The following DNHD1 variants were observed in gnomAD, a reference collection of about 807,000 sequenced individuals.
The protein encoded by DNHD1 is dynein heavy chain domain-containing protein 1.
Under a neutral mutation model 458.1 loss-of-function variants are expected in DNHD1, and 383 were observed. The observed-to-expected ratio is 0.84, with a 90% CI of 0.77 to 0.91. The LOEUF is 0.91. Among genes scored for constraint, DNHD1 ranks in the 40% least tolerant of loss-of-function variants. The probability of loss-of-function intolerance (pLI) is 0.00; values close to 1 mark genes in which losing one functional copy is unlikely to be tolerated. For synonymous variants in DNHD1, 2,203 were observed against 2,376.9 expected, an observed-to-expected ratio of 0.93 and a Z score of 2.13; for missense variants, 5,336 against 5,866.1, an observed-to-expected ratio of 0.91 and a Z score of 2.95.
rs757569209 is a variant in DNHD1 at position 6,570,911 on chromosome 11, G to A, written c.13399G>A (p.Asp4467Asn). 1.4e-5 allele frequency: 22 copies of A among 1,613,262 alleles called. No homozygotes were observed. Among genetic ancestry groups the A allele is most frequent in the Admixed American group, 5.0e-5 (3 of 59,990 alleles). ...CCACGTGATTCGCCAAGACGAGTCC[G>A]ACGCCCCGTGGTCAGTGCTGGGGCC... ...LTHVIRQDES[D>N]APWSVLGPNA... The change falls in exon 42 of 43, where the codon GAC becomes AAC. Residue 4467 changes from aspartate to asparagine, a missense_variant. This residue lies in a region of DNHD1 where 698 missense variants were observed against 664.9 expected (regional missense o/e 1.05). Transcript: ENST00000254579.
Position 6,559,162 on chromosome 11 carries a change from C to T in DNHD1, c.9417-19C>T, listed in dbSNP as rs867123679. The stretch of plus-strand genomic sequence containing the variant: ...CTTCTGCTCCTTTGGGTTTCCTCAC[C>T]AGCACATTGTATCTCCAGGGTCCAG... On this transcript the variant is annotated intron_variant, in intron 27 of 42. Transcript: ENST00000254579. The T allele has an allele frequency of 6.4e-7, 1 of 1,551,658 alleles. No individual in the cohort carries two copies. Among genetic ancestry groups the T allele is most frequent in the Non-Finnish European group, 8.7e-7 (1 of 1,146,958 alleles).
At chr11:6,524,941 G>A (rs1257934761) in intron 10 of DNHD1, among the ~76,000 whole-genome samples, 5 of 152,126 alleles carry the variant, frequency 3.3e-5, no homozygotes, top group Admixed American at 1.3e-4. Context: ...GCTCAAAAGT[G>A]GTCATCAAGT....
intron 10 of DNHD1, among the ~76,000 whole-genome samples, chr11:6,526,247 A>G (rs1852708946): frequency 6.6e-6 from 1 of 151,896 alleles, no homozygotes; most frequent in Non-Finnish European, 1.5e-5. Flanking sequence ...TTCCATTATG[A>G]AATTGTTTTT....
At position 6,570,395 on chromosome 11, in the gene DNHD1, A is replaced by C; in HGVS notation, c.13104A>C (p.Pro4368=). 1 of 1,606,726 alleles carries C rather than the reference A, an allele frequency of 6.2e-7. No homozygotes were observed. Among genetic ancestry groups the C allele is most frequent in the Non-Finnish European group, 8.5e-7 (1 of 1,176,636 alleles). Residue 4368 remains proline (P), a splice_region_variant and synonymous_variant, in exon 41 of 43, where the codon CCA becomes CCC. Coordinates refer to ENST00000254579, the MANE Select transcript of DNHD1 (RefSeq NM_144666.3). ...QSLLATLMPL[P]ELRELDAMAE... ...TGCTGGCCACGCTCATGCCCCTCCC[A>C]GGTAAGCCTCACTCAGGTATCTGTT...
chr11:6,563,426 T>C lies in DNHD1; in HGVS notation c.9714T>C (p.Ala3238=). Reference sequence around the variant, plus strand: ...AGCCTCTGAGCCAGCTGCAGGTGGCTGACTTTGAGGAGATACGGAGCTATC... The same window carrying C: ...AGCCTCTGAGCCAGCTGCAGGTGGCCGACTTTGAGGAGATACGGAGCTATC... The part of the protein sequence containing the change: ...FLEPLSQLQV[A]DFEEIRSYRA... The change falls in exon 30 of 43, where the codon GCT becomes GCC. Residue 3238 remains alanine (A), a synonymous_variant. Transcript: ENST00000254579. 4 of 1,551,690 alleles carry C rather than the reference T, an allele frequency of 2.6e-6. No individual in the cohort carries two copies. The highest frequency in any genetic ancestry group is 3.5e-6 in the Non-Finnish European group (4 of 1,146,978).
At position 6,518,845 on chromosome 11, in the gene DNHD1, C is replaced by T. The variant is rs139803217; in HGVS notation, c.1393-755C>T. ...TGTCTTATGCTTGGGTCTGAGAAGA[C>T]TGGGGCTTGAGCTCATGGATACCAG... On this transcript the variant is annotated intron_variant, in intron 7 of 42. Transcript: ENST00000254579. 8.9e-3 allele frequency among the ~76,000 whole-genome samples: 1,349 copies of T among 152,246 alleles called. 19 individuals are homozygous for T. Among genetic ancestry groups the T allele is most frequent in the African/African-American group, 0.031 (1,269 of 41,540 alleles).
intron 18 of DNHD1, among the ~76,000 whole-genome samples, chr11:6,543,818 G>A (rs1033976656): frequency 5.9e-5 from 9 of 151,928 alleles, no homozygotes; most frequent in South Asian, 2.1e-4. Context: ...AAAATTAGCC[G>A]GACATGGTGG....
At chr11:6,551,813 T>G (rs191965931) in intron 24 of DNHD1, among the ~76,000 whole-genome samples, 1 of 151,984 alleles carries the variant, frequency 6.6e-6, no homozygotes, top group Non-Finnish European at 1.5e-5. Context: ...TGGTGGCATG[T>G]ACCTGTAATC....
rs1378767548 is a variant in DNHD1 at position 6,544,578 on chromosome 11, C to G, written c.3759C>G (p.Ala1253=). 17 of 1,550,996 alleles carry G rather than the reference C, an allele frequency of 1.1e-5. No homozygotes were observed. Among genetic ancestry groups the G allele is most frequent in the Non-Finnish European group, 1.5e-5 (17 of 1,146,678 alleles). Residue 1253 remains alanine, a synonymous_variant, in exon 20 of 43, where the codon GCC becomes GCG. Coordinates refer to ENST00000254579, the MANE Select transcript of DNHD1 (RefSeq NM_144666.3). ...TTCCTCTGGCTGCTTACACAGGTGC[C>G]CTGCTGGAGGTGTGGCTGACTTTCC... ...EWVAIMHGLG[A]LLEVWLTFQQ...
At chr11:6,534,464 T>C (rs6578759) in intron 14 of DNHD1, among the ~76,000 whole-genome samples, 147,152 of 152,020 alleles carry the variant, frequency 0.97, 71,400 homozygotes, top group Non-Finnish European at 1. Flanking sequence ...AAAGCATGTG[T>C]GGGAGAAATG....
chr11:6,544,215 T>C lies in DNHD1; in HGVS notation c.3723T>C (p.Ala1241=). The change falls in exon 19 of 43, where the codon GCT becomes GCC. Residue 1241 remains alanine (A), a synonymous_variant. Coordinates refer to ENST00000254579, the MANE Select transcript of DNHD1 (RefSeq NM_144666.3). ...AGTCAGGAGATTTAAACAAAATAGC[T>C]TTGGAGTGGGTGGCCATCATGCATG... ...IEKSGDLNKI[A]LEWVAIMHGL... is the part of the protein sequence containing the mutation. 3 of 1,551,440 alleles carry C rather than the reference T, an allele frequency of 1.9e-6. No homozygotes were observed. The highest frequency in any genetic ancestry group is 1.7e-6 in the Non-Finnish European group (2 of 1,146,926).
chr11:6,554,315 C>G (rs1490547985), intron 24 of DNHD1, among the ~76,000 whole-genome samples: 2 of 151,908 alleles, frequency 1.3e-5, no homozygotes, highest in African/African-American at 4.8e-5. Context: ...ACCTCAAAAT[C>G]TAGATAAAAA....
intron 24 of DNHD1, among the ~76,000 whole-genome samples, chr11:6,552,109 G>A (rs1335341386): frequency 2.7e-5 from 4 of 149,628 alleles, no homozygotes; most frequent in Non-Finnish European, 5.9e-5. Context: ...GGATAATAAG[G>A]GAAAATTATG....
In DNHD1 at chr11:6,546,336, T is replaced by G. The variant is rs1853217299; in HGVS notation, c.5397T>G (p.Leu1799=). 2 of 1,552,360 alleles carry G rather than the reference T, an allele frequency of 1.3e-6. No homozygotes were observed. Among genetic ancestry groups the G allele is most frequent in the Non-Finnish European group, 1.7e-6 (2 of 1,147,144 alleles). The change falls in exon 21 of 43, where the codon CTT becomes CTG. Residue 1799 remains leucine, a synonymous_variant. Coordinates refer to ENST00000254579, the MANE Select transcript of DNHD1 (RefSeq NM_144666.3). ...FFEKHHVSVR[L]GYGCLLVLRA... The stretch of plus-strand genomic sequence containing the variant: ...AAAAACATCACGTGTCTGTGCGCCT[T>G]GGCTATGGCTGTCTCCTGGTACTGC...
chr11:6,547,184 A>G lies in DNHD1; in HGVS notation c.6245A>G (p.His2082Arg). 3.2e-6 allele frequency: 5 copies of G among 1,551,800 alleles called. No homozygotes were observed. The highest frequency in any genetic ancestry group is 4.4e-6 in the Non-Finnish European group (5 of 1,147,008). The change falls in exon 21 of 43, where the codon CAC becomes CGC. Residue 2082 changes from histidine to arginine, a missense_variant. Physicochemically the swap from His to Arg is conservative, Grantham distance 29. Around this residue, in one of 4 missense-constraint regions of DNHD1, gnomAD observed 3,932 missense variants for 4,365.6 expected, o/e 0.90. Transcript: ENST00000254579. ...RQTEESIGIQHWIICDGASNG... is the reference protein window; with the variant it reads ...RQTEESIGIQRWIICDGASNG... ...ACAGAGGAATCAATCGGGATCCAGC[A>G]CTGGATAATATGTGATGGAGCCTCC...
At position 6,568,649 on chromosome 11, in the gene DNHD1, T is replaced by TCTC. The variant is rs1373612040; in HGVS notation, c.12662-13_12662-11dup. The TCTC allele has an allele frequency of 6.2e-7, 1 of 1,613,770 alleles. No individual in the cohort carries two copies. The highest frequency in any genetic ancestry group is 8.5e-7 in the Non-Finnish European group (1 of 1,179,876). On this transcript the variant is annotated splice_polypyrimidine_tract_variant and intron_variant, in intron 38 of 42. Transcript: ENST00000254579. The stretch of plus-strand genomic sequence containing the variant: ...CAACTGTGCTGTGCTGACTCAGCAC[T>TCTC]CTCCTTCCTCCCCAGCTGTGCTGAC...
Position 6,557,654 on chromosome 11 carries a change from T to C in DNHD1, c.8359T>C (p.Phe2787Leu), listed in dbSNP as rs1423215369. ...CTATAGGCTCCAGGTAAGGAGATCA[T>C]TCAAGACTTGGTGGCAGAAGAAACC... is the stretch of plus-strand genomic sequence containing the variant. The part of the protein sequence containing the change: ...SNYRLQVRRS[F>L]KTWWQKKPQM... Residue 2787 changes from phenylalanine to leucine, a missense_variant, in exon 25 of 43, where the codon TTC becomes CTC. By Grantham distance (22) the Phe-to-Leu change is conservative. This residue lies in a region of DNHD1 where 3,932 missense variants were observed against 4,365.6 expected (regional missense o/e 0.90). Transcript: ENST00000254579. 5 of 1,551,732 alleles carry C rather than the reference T, an allele frequency of 3.2e-6. No homozygotes were observed. Among genetic ancestry groups the C allele is most frequent in the Non-Finnish European group, 3.5e-6 (4 of 1,146,992 alleles).
In DNHD1 at chr11:6,557,117, A is replaced by G; in HGVS notation, c.7822A>G (p.Thr2608Ala). ...LSSLQLLPNR[T>A]GSRGFVDYPN... ...CAGCCTGCAGCTGCTGCCCAACAGAACAGGCTCCCGAGGTTTTGTGGACTA... is the reference window on the plus strand; with the variant it reads ...CAGCCTGCAGCTGCTGCCCAACAGAGCAGGCTCCCGAGGTTTTGTGGACTA... The change falls in exon 25 of 43, where the codon ACA (threonine) becomes GCA (alanine). Residue 2608 changes from threonine (T) to alanine (A), a missense_variant. By Grantham distance (58) the Thr-to-Ala change is moderately conservative. This residue lies in a region of DNHD1 where 3,932 missense variants were observed against 4,365.6 expected (regional missense o/e 0.90). Coordinates refer to ENST00000254579, the MANE Select transcript of DNHD1 (RefSeq NM_144666.3). 1.3e-6 allele frequency: 2 copies of G among 1,551,752 alleles called. No individual in the cohort carries two copies. Among genetic ancestry groups the G allele is most frequent in the Non-Finnish European group, 1.7e-6 (2 of 1,147,006 alleles).
At chr11:6,526,746 G>C (rs1420246621) in intron 10 of DNHD1, among the ~76,000 whole-genome samples, 2 of 152,112 alleles carry the variant, frequency 1.3e-5, no homozygotes, top group Non-Finnish European at 2.9e-5. Flanking sequence ...TCCCAAAAGG[G>C]AGCCCTGACT....
Sources: allele counts gnomAD v4.1 joint callset (sites outside exome capture counted in the v4.1 genomes callset), GRCh38; gene constraint gnomAD v4.1.1; regional missense constraint gnomAD v4.1.1; transcripts MANE v1.5; gene names NCBI Gene and HGNC (gene_info 2026-07-23, HGNC 2026-07-21).